TVP23A: variants seen among roughly 807,000 people sequenced by gnomAD.
TVP23A encodes the protein Golgi apparatus membrane protein TVP23 homolog A.
A neutral mutation model predicts 31.7 loss-of-function variants in TVP23A; 21 were observed. The ratio of observed to expected loss-of-function variants is 0.66; its 90% CI spans 0.47 to 0.95. The LOEUF (loss-of-function observed/expected upper bound fraction) is 0.95. TVP23A is among the 40% of genes least tolerant of loss of function. The pLI is 0.00. For synonymous variants in TVP23A, 104 were observed against 96.0 expected, an observed-to-expected ratio of 1.08 and a Z score of -0.49; for missense variants, 279 against 255.6, an observed-to-expected ratio of 1.09 and a Z score of -0.62.
chr16:10,770,445 G>T, intron 6 of TVP23A, 114 bp from the exon 7 acceptor site: 1 of 1,189,880 alleles, frequency 8.4e-7, no homozygotes, highest in Non-Finnish European at 1.2e-6. Flanking sequence ...GGAATTGGTT[G>T]CTTGATGTCT....
chr16:10,810,662 G>A (rs992998258), intron 2 of TVP23A, among the ~76,000 whole-genome samples: 5 of 152,158 alleles, frequency 3.3e-5, no homozygotes, highest in Admixed American at 3.3e-4. Flanking sequence ...GAAAGGAAGA[G>A]GGAATTTCCT....
At chr16:10,769,802 G>C (rs1292318477) in intron 7 of TVP23A, among the ~76,000 whole-genome samples, 1 of 152,128 alleles carries the variant, frequency 6.6e-6, no homozygotes, top group Non-Finnish European at 1.5e-5. Flanking sequence ...ATAAAAAAGA[G>C]GGACAGATGT....
chr16:10,774,376 T>A (rs923991959), intron 3 of TVP23A, among the ~76,000 whole-genome samples: 2 of 152,170 alleles, frequency 1.3e-5, no homozygotes, highest in African/African-American at 4.8e-5. Context: ...ATGTTTTAAA[T>A]ATATGTATTA....
downstream of TVP23A, among the ~76,000 whole-genome samples, chr16:10,760,511 C>T (rs1005463825): frequency 6.6e-6 from 1 of 152,126 alleles, no homozygotes; most frequent in Non-Finnish European, 1.5e-5. Flanking sequence ...TCTGGGAGGC[C>T]GAGGCAGGAG....
intron 2 of TVP23A, among the ~76,000 whole-genome samples, chr16:10,800,913 C>G (rs988736010): frequency 6.6e-6 from 1 of 152,106 alleles, no homozygotes; most frequent in Admixed American, 6.6e-5. Context: ...ATCACTTGAG[C>G]CTGGAAGGCA....
At chr16:10,812,263 G>A (rs2034239905) in intron 2 of TVP23A, among the ~76,000 whole-genome samples, 1 of 152,174 alleles carries the variant, frequency 6.6e-6, no homozygotes, top group African/African-American at 2.4e-5. Flanking sequence ...CAATAACAAT[G>A]TTGGCAAGGA....
At chr16:10,814,188 C>T (rs2034330082) in intron 2 of TVP23A, among the ~76,000 whole-genome samples, 2 of 152,008 alleles carry the variant, frequency 1.3e-5, no homozygotes, top group Non-Finnish European at 2.9e-5. Context: ...CAGGGCCAGA[C>T]CCAGGAATCT....
At chr16:10,775,458 G>C in intron 2 of TVP23A, 3 of 1,068,566 alleles carry the variant, frequency 2.8e-6, no homozygotes, top group Non-Finnish European at 2.3e-6. Context: ...TAAAGGTAAA[G>C]GTTGGGTTTT....
downstream of TVP23A, among the ~76,000 whole-genome samples, chr16:10,762,789 G>T (rs1392221625): frequency 6.6e-6 from 1 of 152,052 alleles, no homozygotes. Context: ...GTATGGCCTG[G>T]CCAGGAGAGG....
chr16:10,800,699 G>A, intron 2 of TVP23A, among the ~76,000 whole-genome samples: 1 of 152,072 alleles, frequency 6.6e-6, no homozygotes, highest in Non-Finnish European at 1.5e-5. Flanking sequence ...TTTTTGGCCA[G>A]GCAAAAATCA....
At chr16:10,774,323 C>G (rs1259228362) in intron 3 of TVP23A, among the ~76,000 whole-genome samples, 195 bp from the exon 4 acceptor site, 1 of 152,172 alleles carries the variant, frequency 6.6e-6, no homozygotes, top group Non-Finnish European at 1.5e-5. Context: ...AAGTTACACA[C>G]TCCCCCCACA....
At position 10,779,637 on chromosome 16, in the gene TVP23A, G is replaced by A. The variant is rs577209885; in HGVS notation, c.90-4541C>T. On this transcript the variant is annotated intron_variant, in intron 2 of 7. Transcript: ENST00000299866. This position sits in a 1 kb window ranked among gnomAD's most constrained non-coding sequence, Gnocchi z 4.9. ...CGGCATATTCTTGTGGCCCAAAAACGAGATGCAGATGAACTGGGAGAGGAA... is the reference window on the plus strand; with the variant it reads ...CGGCATATTCTTGTGGCCCAAAAACAAGATGCAGATGAACTGGGAGAGGAA... Among the ~76,000 whole-genome samples, 48 of 152,198 alleles carry A rather than the reference G, an allele frequency of 3.2e-4. No homozygotes were observed. Among genetic ancestry groups the A allele is most frequent in the Non-Finnish European group, 6.6e-4 (45 of 68,040 alleles).
chr16:10,788,313 C>A (rs952044813), intron 2 of TVP23A, among the ~76,000 whole-genome samples: 1 of 151,206 alleles, frequency 6.6e-6, no homozygotes, highest in African/African-American at 2.4e-5. Flanking sequence ...CTTGCTCTGT[C>A]GCCCAGGTTG....
At chr16:10,803,689 C>T (rs2033815709) in intron 2 of TVP23A, among the ~76,000 whole-genome samples, 1 of 152,108 alleles carries the variant, frequency 6.6e-6, no homozygotes, top group African/African-American at 2.4e-5. Flanking sequence ...CCATGAGGCT[C>T]TCGGTTCTTT....
intron 2 of TVP23A, chr16:10,775,669 C>A (rs2031958478): frequency 2.5e-6 from 1 of 406,856 alleles, no homozygotes; most frequent in Non-Finnish European, 3.3e-6. Flanking sequence ...GTTCACTGTG[C>A]CTTTAGACAC....
At position 10,779,371 on chromosome 16, in the gene TVP23A, A is replaced by G. The variant is rs1270890710; in HGVS notation, c.90-4275T>C. Among the ~76,000 whole-genome samples, 2 of 152,072 alleles carry G rather than the reference A, an allele frequency of 1.3e-5. No individual in the cohort carries two copies. Among genetic ancestry groups the G allele is most frequent in the African/African-American group, 2.4e-5 (1 of 41,396 alleles). On this transcript the variant is annotated intron_variant, in intron 2 of 7. Transcript: ENST00000299866. This position sits in a 1 kb window ranked among gnomAD's most constrained non-coding sequence, Gnocchi z 4.9. The stretch of plus-strand genomic sequence containing the variant: ...GTGTGATCTCAGACCAGTTTTCCAG[A>G]GTTTTGAGAGTCATGGCTTAAGTCC...
At chr16:10,810,739 C>A (rs2034158999) in intron 2 of TVP23A, among the ~76,000 whole-genome samples, 1 of 151,992 alleles carries the variant, frequency 6.6e-6, no homozygotes, top group Non-Finnish European at 1.5e-5. Context: ...GGTTTTGGGG[C>A]CTTTGGAGTC....
intron 2 of TVP23A, among the ~76,000 whole-genome samples, chr16:10,803,171 C>T (rs2033782777): frequency 6.6e-6 from 1 of 151,462 alleles, no homozygotes; most frequent in Non-Finnish European, 1.5e-5. Context: ...GTAATGCCAG[C>T]TACTCAGGAG....
At chr16:10,790,233 G>C (rs1374379708) in intron 2 of TVP23A, among the ~76,000 whole-genome samples, 4 of 151,410 alleles carry the variant, frequency 2.6e-5, no homozygotes, top group Non-Finnish European at 5.9e-5. Flanking sequence ...GAATGGCTTT[G>C]CAGGACCATT....
Sources: allele counts gnomAD v4.1 joint callset (sites outside exome capture counted in the v4.1 genomes callset), GRCh38; gene constraint gnomAD v4.1.1; non-coding constraint Gnocchi (gnomAD v3.1); transcripts MANE v1.5; gene names NCBI Gene and HGNC (gene_info 2026-07-23, HGNC 2026-07-21).